UGT1A9: variants seen among roughly 807,000 people sequenced by gnomAD.
UGT1A9 encodes UDP-glucuronosyltransferase 1A9.
In UGT1A9, 35 loss-of-function variants were observed where a neutral mutation model predicts 45.0. The ratio of observed to expected loss-of-function variants is 0.78; its 90% CI spans 0.59 to 1.03. The LOEUF (loss-of-function observed/expected upper bound fraction) is 1.03. UGT1A9 is among the 50% of genes least tolerant of loss of function. The pLI is 0.00. For synonymous variants in UGT1A9, 278 were observed against 250.6 expected, an observed-to-expected ratio of 1.11 and a Z score of -1.03; for missense variants, 687 against 666.6, an observed-to-expected ratio of 1.03 and a Z score of -0.34.
At chr2:233,682,872 C>G (rs1348712274) in intron 1 of UGT1A9, 5 of 1,521,250 alleles carry the variant, frequency 3.3e-6, no homozygotes, top group Non-Finnish European at 4.4e-6. Flanking sequence ...CATAATTTAT[C>G]ATTTACATTT....
intron 1 of UGT1A9, among the ~76,000 whole-genome samples, chr2:233,738,616 G>A (rs1192038342): frequency 6.6e-6 from 1 of 152,208 alleles, no homozygotes; most frequent in Non-Finnish European, 1.5e-5. Context: ...AAAGAAACTC[G>A]TGGCATTTTT....
intron 1 of UGT1A9, among the ~76,000 whole-genome samples, chr2:233,717,571 A>C (rs1166203579): frequency 6.6e-6 from 1 of 152,240 alleles, no homozygotes; most frequent in Non-Finnish European, 1.5e-5. Context: ...ATGGCCAGGC[A>C]TGTAGACACA....
intron 1 of UGT1A9, among the ~76,000 whole-genome samples, chr2:233,683,603 T>A (rs1470353290): frequency 6.6e-6 from 1 of 152,206 alleles, no homozygotes; most frequent in East Asian, 1.9e-4. Flanking sequence ...CCCTCATTAT[T>A]TATTCGGATT....
In UGT1A9 at chr2:233,671,931, TC is replaced by T. The variant is rs1399944382; in HGVS notation, c.-3del. The T allele has an allele frequency of 6.2e-7, 1 of 1,603,076 alleles. No homozygotes were observed. The highest frequency in any genetic ancestry group is 8.5e-7 in the Non-Finnish European group (1 of 1,174,434). On this transcript the variant is annotated 5_prime_UTR_variant, in exon 1 of 5. Transcript: ENST00000354728. ...AGCTGCTTGCTCTCAGCTGCAGTTC[TC>T]TGATGGCTTGCACAGGGTGGACCAG...
chr2:233,729,114 G>T (rs1215880389), intron 1 of UGT1A9: 1 of 1,612,830 alleles, frequency 6.2e-7, no homozygotes. Context: ...AGCTGTCCGT[G>T]TCTTCTGCTG....
intron 1 of UGT1A9, among the ~76,000 whole-genome samples, chr2:233,707,965 A>G (rs1249490903): frequency 6.6e-6 from 1 of 152,186 alleles, no homozygotes; most frequent in Non-Finnish European, 1.5e-5. Flanking sequence ...TGCCCATTCA[A>G]GTCTATTGCC....
chr2:233,760,629 G>T (rs1330446381), intron 1 of UGT1A9: 1 of 1,613,986 alleles, frequency 6.2e-7, no homozygotes, highest in Non-Finnish European at 8.5e-7. Context: ...AAACATACAA[G>T]AAAATAAAAA....
At chr2:233,698,855 T>C (rs2075465931) in intron 1 of UGT1A9, among the ~76,000 whole-genome samples, 1 of 152,252 alleles carries the variant, frequency 6.6e-6, no homozygotes, top group Non-Finnish European at 1.5e-5. Context: ...TATTCCCATG[T>C]TGGTGTGACT....
intron 1 of UGT1A9, chr2:233,693,993 C>A: frequency 1.3e-6 from 2 of 1,526,758 alleles, no homozygotes; most frequent in East Asian, 2.2e-5. Context: ...GAAGTGATAC[C>A]CGGCTCGGAG....
Position 233,676,253 on chromosome 2 carries a change from C to T in UGT1A9, c.855+3464C>T, listed in dbSNP as rs1248219589. On this transcript the variant is annotated intron_variant, in intron 1 of 4. Transcript: ENST00000354728. ...AGAAGCATGGTTGATGATGAATTCA[C>T]TGATGAATCACCCCTGTGTGCATCC... Among the ~76,000 whole-genome samples, 4 of 152,174 alleles carry T rather than the reference C, an allele frequency of 2.6e-5. No homozygotes were observed. In the East Asian group the frequency reaches 5.8e-4, roughly 22 times the overall value.
chr2:233,737,713 A>C (rs1453713127), intron 1 of UGT1A9, among the ~76,000 whole-genome samples: 1 of 151,992 alleles, frequency 6.6e-6, no homozygotes, highest in Non-Finnish European at 1.5e-5. Flanking sequence ...TCTCCTCTCC[A>C]ACACCTCCTT....
chr2:233,678,255 A>G (rs112602572), intron 1 of UGT1A9, among the ~76,000 whole-genome samples: 120 of 152,360 alleles, frequency 7.9e-4, no homozygotes, highest in African/African-American at 2.9e-3. Context: ...CCCAAACATC[A>G]GCATCACACA....
At chr2:233,748,122 C>T (rs1693872650) in intron 1 of UGT1A9, 8 of 1,610,986 alleles carry the variant, frequency 5.0e-6, no homozygotes, top group Non-Finnish European at 8.5e-7. Context: ...CCAGGCAAAA[C>T]AGTTTTTAAA....
chr2:233,754,393 T>C (rs1161428077), intron 1 of UGT1A9: 1 of 317,382 alleles, frequency 3.2e-6, no homozygotes, highest in South Asian at 2.8e-5. Context: ...AGAGGTCCTA[T>C]CCGTGCAGTC....
At chr2:233,710,922 T>C (rs2076154215) in intron 1 of UGT1A9, among the ~76,000 whole-genome samples, 1 of 152,228 alleles carries the variant, frequency 6.6e-6, no homozygotes, top group Non-Finnish European at 1.5e-5. Context: ...TTAGACCACT[T>C]AGTCTTTGTT....
At chr2:233,760,188 CG>C (rs1250855848) in intron 1 of UGT1A9, 1 of 1,563,540 alleles carries the variant, frequency 6.4e-7, no homozygotes, top group Non-Finnish European at 8.6e-7. Context: ...TTTATAGTCA[CG>C]TGACACAGTC....
intron 1 of UGT1A9, chr2:233,747,837 C>A: frequency 1.9e-6 from 3 of 1,613,500 alleles, no homozygotes; most frequent in African/African-American, 1.3e-5. Flanking sequence ...GACATTCCTG[C>A]AAAGGGTCAA....
chr2:233,732,491 G>C (rs2078277283), intron 1 of UGT1A9, among the ~76,000 whole-genome samples: 1 of 152,184 alleles, frequency 6.6e-6, no homozygotes, highest in African/African-American at 2.4e-5. Flanking sequence ...TTTGTATAAG[G>C]CGTAAGGAAG....
At chr2:233,724,576 G>A (rs1380708117) in intron 1 of UGT1A9, among the ~76,000 whole-genome samples, 1 of 128,988 alleles carries the variant, frequency 7.8e-6, no homozygotes, top group South Asian at 3.2e-4. Flanking sequence ...GCGGGGCAGA[G>A]GCGCTCCCCA....
Sources: gnomAD v4.1 joint callset for allele counts (sites outside exome capture counted in the v4.1 genomes callset) on GRCh38, gnomAD v4.1.1 for gene constraint, MANE v1.5 for transcripts, NCBI Gene and HGNC (gene_info 2026-07-23, HGNC 2026-07-21) for gene names.